CCDC15: variants seen among roughly 807,000 people sequenced by gnomAD.
CCDC15 encodes coiled-coil domain-containing protein 15.
Under a neutral mutation model 114.5 loss-of-function variants are expected in CCDC15, and 105 were observed. The observed-to-expected ratio is 0.92, with a 90% CI of 0.78 to 1.08. The LOEUF is 1.08. Among genes scored for constraint, CCDC15 ranks in the 50% least tolerant of loss-of-function variants. The pLI is 0.00. For synonymous variants in CCDC15, 334 were observed against 377.8 expected (o/e 0.88, Z 1.34); for missense variants, 1,105 against 1,093.6 (o/e 1.01, Z -0.15).
chr11:125,016,154 T>A (rs1003797127), intron 13 of CCDC15, among the ~76,000 whole-genome samples: 18 of 152,350 alleles, frequency 1.2e-4, no homozygotes, highest in African/African-American at 4.1e-4. Context: ...ATCTGCATGG[T>A]TGAGGGCCCC....
At chr11:124,986,700 T>TGTGTGTGTGTGAGC in intron 6 of CCDC15, 42 bp from the exon 7 acceptor site, 3 of 1,351,580 alleles carry the variant, frequency 2.2e-6, no homozygotes, top group Non-Finnish European at 3.0e-6. Context: ...TTTGTGTGTG[T>TGTGTGTGTGTGAGC]GCGCGCGCGC....
intron 8 of CCDC15, among the ~76,000 whole-genome samples, chr11:124,990,702 A>G (rs1948253098): frequency 6.6e-6 from 1 of 152,182 alleles, no homozygotes; most frequent in Non-Finnish European, 1.5e-5. Context: ...TTTTAAATCA[A>G]CACTCTACCC....
At position 124,987,380 on chromosome 11, in the gene CCDC15, A is replaced by G. The variant is rs769272488; in HGVS notation, c.1154A>G (p.Lys385Arg). The G allele has an allele frequency of 7.7e-5, 124 of 1,613,922 alleles. 1 individual carries two copies. The South Asian group carries it at 1.4e-3, about 18-fold the overall frequency. The part of the protein sequence containing the change: ...QAIEPEGQPI[K>R]TETQGIMLKA... ...ATTGAGCCAGAAGGCCAGCCTATTA[A>G]GACAGAAACTCAGGGTATTATGCTG... The change falls in exon 8 of 16, where the codon AAG becomes AGG. Residue 385 changes from lysine (K) to arginine (R), a missense_variant. Coordinates refer to ENST00000344762, the MANE Select transcript of CCDC15 (RefSeq NM_025004.3).
Position 125,038,949 on chromosome 11 carries a change from C to T in CCDC15, c.2614C>T (p.Gln872Ter). Residue 872 changes from glutamine (Q) to a stop codon, truncating the protein, a stop_gained, in exon 15 of 16, where the codon CAG becomes TAG. Coordinates refer to ENST00000344762, the MANE Select transcript of CCDC15 (RefSeq NM_025004.3). LOFTEE classifies it high-confidence loss of function. ...TGTAGAAGCTTTACGAGCCCAAATCCAGGAGAAAATGCAGCTGTATAATAT... is the reference window on the plus strand; with the variant it reads ...TGTAGAAGCTTTACGAGCCCAAATCTAGGAGAAAATGCAGCTGTATAATAT... ...RYVEALRAQIQEKMQLYNITL... is the reference protein window; with the variant it reads ...RYVEALRAQI 6.2e-7 allele frequency: 1 copy of T among 1,613,188 alleles called. No individual in the cohort carries two copies. Among genetic ancestry groups the T allele is most frequent in the Non-Finnish European group, 8.5e-7 (1 of 1,179,454 alleles).
At chr11:125,034,705 ACT>A (rs1188789894) in intron 13 of CCDC15, among the ~76,000 whole-genome samples, 59 of 152,176 alleles carry the variant, frequency 3.9e-4, no homozygotes, top group Non-Finnish European at 8.8e-5. Context: ...ATTTTGCATA[ACT>A]CTCTAAACAG....
rs1426758499 is a variant in CCDC15 at position 125,038,451 on chromosome 11, A to G, written c.2432A>G (p.Gln811Arg). 6.6e-6 allele frequency: 10 copies of G among 1,525,558 alleles called. No homozygotes were observed. In the African/African-American group the frequency reaches 9.8e-5, roughly 15 times the overall value. The allele number at this position is 1,525,558 out of a possible 1,614,324, so 94.5% of individuals were successfully genotyped here. A position where few individuals can be genotyped will look rare whatever the true frequency, so the allele number is the denominator to read the frequency against. ...KIEKIKKKRE[Q>R]ECYAAEQRIL... ...TTCAGAATTAAGAAAAAGAGAGAGC[A>G]AGAATGTTATGCTGCAGAGCAGAGG... The change falls in exon 14 of 16, where the codon CAA becomes CGA. Residue 811 changes from glutamine to arginine, a missense_variant. Transcript: ENST00000344762.
At chr11:124,971,075 C>T (rs1045619275) in intron 4 of CCDC15, among the ~76,000 whole-genome samples, 5 of 152,146 alleles carry the variant, frequency 3.3e-5, no homozygotes, top group African/African-American at 1.2e-4. Context: ...TAAGGCCGCC[C>T]CTTTAATAGG....
chr11:124,989,126 A>G (rs1241361357), intron 8 of CCDC15, among the ~76,000 whole-genome samples: 2 of 152,260 alleles, frequency 1.3e-5, no homozygotes, highest in Non-Finnish European at 2.9e-5. Flanking sequence ...ATAAATAACA[A>G]GACTTGAAAG....
At chr11:125,031,745 C>A (rs1311535546) in intron 13 of CCDC15, among the ~76,000 whole-genome samples, 1 of 152,210 alleles carries the variant, frequency 6.6e-6, no homozygotes, top group African/African-American at 2.4e-5. Context: ...ACTATTGGGT[C>A]TGCTGAGTCA....
chr11:125,032,474 A>G (rs1403825688), intron 13 of CCDC15, among the ~76,000 whole-genome samples: 1 of 152,232 alleles, frequency 6.6e-6, no homozygotes, highest in Non-Finnish European at 1.5e-5. Flanking sequence ...ATCCACTGTC[A>G]TTCTCTAAGA....
At chr11:124,971,119 CTG>C (rs1267386423) in intron 4 of CCDC15, among the ~76,000 whole-genome samples, 4 of 152,108 alleles carry the variant, frequency 2.6e-5, no homozygotes, top group African/African-American at 9.7e-5. Context: ...TTAGAAGGCA[CTG>C]TGATTGGTTG....
At chr11:124,959,020 A>G (rs1225329858) in intron 2 of CCDC15, 95 bp from the exon 3 acceptor site, 5 of 760,224 alleles carry the variant, frequency 6.6e-6, no homozygotes, top group Non-Finnish European at 9.9e-6. Context: ...TTTTTTCAGG[A>G]TTGTATCCTT....
intron 4 of CCDC15, among the ~76,000 whole-genome samples, chr11:124,969,308 C>G (rs1475904550): frequency 6.6e-6 from 1 of 152,056 alleles, no homozygotes; most frequent in Non-Finnish European, 1.5e-5. Context: ...GAATTGTAGA[C>G]TGGAAGAAAT....
At chr11:125,027,947 A>G (rs1450051852) in intron 13 of CCDC15, among the ~76,000 whole-genome samples, 3 of 152,042 alleles carry the variant, frequency 2.0e-5, no homozygotes, top group Non-Finnish European at 4.4e-5. Flanking sequence ...TTATTCTTCT[A>G]TGTATGGCTT....
At chr11:124,960,493 C>T (rs1363282511) in intron 4 of CCDC15, among the ~76,000 whole-genome samples, 1 of 151,988 alleles carries the variant, frequency 6.6e-6, no homozygotes, top group Non-Finnish European at 1.5e-5. Flanking sequence ...ATAATTCTTA[C>T]CTTCGTTGCA....
intron 13 of CCDC15, among the ~76,000 whole-genome samples, chr11:125,012,675 A>T (rs1487607655): frequency 6.6e-6 from 1 of 152,218 alleles, no homozygotes; most frequent in Non-Finnish European, 1.5e-5. Context: ...AGTTAGGAAA[A>T]CATATATAAA....
chr11:124,992,044 G>C (rs1408704778), intron 9 of CCDC15, among the ~76,000 whole-genome samples: 1 of 152,128 alleles, frequency 6.6e-6, no homozygotes, highest in South Asian at 2.1e-4. Context: ...AGTCCTATTA[G>C]AACAGAGGAA....
At chr11:124,988,706 G>A (rs60898321) in intron 8 of CCDC15, among the ~76,000 whole-genome samples, 30,766 of 152,144 alleles carry the variant, frequency 0.2, 3,688 homozygotes, top group African/African-American at 0.33. Context: ...AGCTAAGTCC[G>A]TGTAATATTC....
chr11:125,037,789 A>AT (rs1196124765), intron 13 of CCDC15, among the ~76,000 whole-genome samples: 1 of 152,064 alleles, frequency 6.6e-6, no homozygotes, highest in Admixed American at 6.5e-5. Context: ...AACTTTTTAA[A>AT]TTTTTTTGGT....
Sources: gnomAD v4.1 joint callset for allele counts (sites outside exome capture counted in the v4.1 genomes callset) on GRCh38, gnomAD v4.1.1 for gene constraint, MANE v1.5 for transcripts, NCBI Gene and HGNC (gene_info 2026-07-23, HGNC 2026-07-21) for gene names.